Variants in DLGAP5 observed in about 807,000 individuals in gnomAD.
DLGAP5 encodes disks large-associated protein 5.
In DLGAP5, 90 loss-of-function variants were observed where a neutral mutation model predicts 99.6. That is an observed-to-expected ratio of 0.90 (90% CI 0.76 to 1.08). DLGAP5 has a LOEUF of 1.08. DLGAP5 is among the 50% of genes least tolerant of loss of function. The pLI, the probability that DLGAP5 is intolerant of heterozygous loss-of-function variation, is 0.00. For synonymous variants in DLGAP5, 311 were observed against 321.3 expected (o/e 0.97, Z 0.34); for missense variants, 1,036 against 983.5 (o/e 1.05, Z -0.71).
intron 11 of DLGAP5, among the ~76,000 whole-genome samples, chr14:55,169,897 G>T (rs1284473563): frequency 6.6e-6 from 1 of 152,204 alleles, no homozygotes; most frequent in Non-Finnish European, 1.5e-5. Context: ...CACTTTGGGA[G>T]GCCAAGGTGG....
intron 15 of DLGAP5, among the ~76,000 whole-genome samples, chr14:55,153,238 A>G (rs1882078633): frequency 6.6e-6 from 1 of 152,158 alleles, no homozygotes; most frequent in Non-Finnish European, 1.5e-5. Flanking sequence ...ACTAGCTTGT[A>G]TCTTATTAGA....
At chr14:55,173,603 C>CTCTATATATA (rs1334648919) in intron 10 of DLGAP5, among the ~76,000 whole-genome samples, 1 of 148,362 alleles carries the variant, frequency 6.7e-6, no homozygotes, top group African/African-American at 2.5e-5. Flanking sequence ...CTCTCTCTCT[C>CTCTATATATA]TATATATATA....
chr14:55,181,699 C>T (rs1883282825), intron 4 of DLGAP5, among the ~76,000 whole-genome samples: 1 of 152,158 alleles, frequency 6.6e-6, no homozygotes. Context: ...ACTCAAAAGG[C>T]TTTCATCTCA....
chr14:55,175,420 T>TG lies in DLGAP5; in HGVS notation c.1226dup (p.Ile410AsnfsTer8). Reference sequence around the variant, plus strand: ...TTTCAAGTGATGGGACTTCTTTTATTGGAAGGCCATTTAAATTTTTAGTAG... The same window carrying TG: ...TTTCAAGTGATGGGACTTCTTTTATTGGGAAGGCCATTTAAATTTTTAGTAG... On this transcript the variant is annotated frameshift_variant, in exon 10 of 19. Coordinates refer to ENST00000247191, the MANE Select transcript of DLGAP5 (RefSeq NM_014750.5). LOFTEE classifies it high-confidence loss of function. 2 of 1,561,852 alleles carry TG rather than the reference T, an allele frequency of 1.3e-6. No homozygotes were observed. Among genetic ancestry groups the TG allele is most frequent in the East Asian group, 4.5e-5 (2 of 44,222 alleles).
chr14:55,167,072 T>C (rs1016299362), intron 12 of DLGAP5, among the ~76,000 whole-genome samples: 5 of 151,672 alleles, frequency 3.3e-5, no homozygotes, highest in Admixed American at 6.6e-5. Context: ...CTGACCAACA[T>C]GGCGAACCCC....
At position 55,169,387 on chromosome 14, in the gene DLGAP5, T is replaced by C. The variant is rs753652679; in HGVS notation, c.1548+12A>G. The C allele has an allele frequency of 6.8e-7, 1 of 1,473,118 alleles. No homozygotes were observed. Among genetic ancestry groups the C allele is most frequent in the Non-Finnish European group, 9.0e-7 (1 of 1,115,618 alleles). 91.3% of individuals were successfully genotyped at this position (1,473,118 alleles called of 1,614,324 possible). A position where few individuals can be genotyped will look rare whatever the true frequency, so the allele number is the denominator to read the frequency against. On this transcript the variant is annotated intron_variant, in intron 12 of 18. Transcript: ENST00000247191. The stretch of plus-strand genomic sequence containing the variant: ...CCCTAAGTTAATATATTTGAAATAT[T>C]GAACCACATACCTGAAAACTAACCA...
rs1398723575 is a variant in DLGAP5, at chr14:55,158,612, T to C, written c.1783A>G (p.Thr595Ala). 3 of 1,614,156 alleles carry C rather than the reference T, an allele frequency of 1.9e-6. No individual in the cohort carries two copies. The highest frequency in any genetic ancestry group is 2.5e-6 in the Non-Finnish European group (3 of 1,180,004). ...TCCTTTGGTATCACAGAAACTGCTG[T>C]TTCAGCACATTCTTCCTGCCTAATT... ...ERIRQEECAE[T>A]AVSVIPKEVD... Residue 595 changes from threonine (T) to alanine (A), a missense_variant, in exon 14 of 19, where the codon ACA (threonine) becomes GCA (alanine). Coordinates refer to ENST00000247191, the MANE Select transcript of DLGAP5 (RefSeq NM_014750.5).
Position 55,152,651 on chromosome 14 carries a change from A to G in DLGAP5, c.2064-4T>C, listed in dbSNP as rs1009095866. 9.4e-6 allele frequency: 15 copies of G among 1,591,120 alleles called. No individual in the cohort carries two copies. Among genetic ancestry groups the G allele is most frequent in the Non-Finnish European group, 1.1e-5 (13 of 1,171,518 alleles). On this transcript the variant is annotated splice_polypyrimidine_tract_variant and splice_region_variant and intron_variant, in intron 15 of 18. Transcript: ENST00000247191. ...CTGAGCATCTTCTATGCTGCTCCTA[A>G]AGAAGAAAAAAAGCAGCATTACACT...
chr14:55,170,357 A>G (rs1449596218), intron 11 of DLGAP5, among the ~76,000 whole-genome samples: 1 of 149,738 alleles, frequency 6.7e-6, no homozygotes, highest in Non-Finnish European at 1.5e-5. Flanking sequence ...TCAGATATCA[A>G]TTGATATCAC....
At chr14:55,174,042 C>T (rs977491789) in intron 10 of DLGAP5, among the ~76,000 whole-genome samples, 12 of 152,294 alleles carry the variant, frequency 7.9e-5, no homozygotes, top group African/African-American at 2.9e-4. Flanking sequence ...GCCGGTGAGC[C>T]GGGCGGAACA....
intron 16 of DLGAP5, among the ~76,000 whole-genome samples, chr14:55,152,246 A>G (rs573114773): frequency 6.8e-4 from 104 of 152,250 alleles, no homozygotes; most frequent in East Asian, 3.8e-4. Context: ...GGTCTCTGTC[A>G]TAAGTACTCA....
chr14:55,178,703 T>C (rs1883168585), intron 7 of DLGAP5, among the ~76,000 whole-genome samples: 1 of 152,234 alleles, frequency 6.6e-6, no homozygotes, highest in African/African-American at 2.4e-5. Flanking sequence ...TTTGATTTTT[T>C]ACTAAGAATC....
rs143412953 is a variant in DLGAP5, at chr14:55,169,460, C to T, written c.1487G>A (p.Arg496Gln). 10 of 1,612,906 alleles carry T rather than the reference C, an allele frequency of 6.2e-6. No homozygotes were observed. Among genetic ancestry groups the T allele is most frequent in the Admixed American group, 3.3e-5 (2 of 59,778 alleles). ...TGTACAGGTAGTCTCCTTTATACCT[C>T]GTTTATATTCACAATCATCAACCAG... is the stretch of plus-strand genomic sequence containing the variant. ...EGLVDDCEYK[R>Q]GIKETTCTDL... Residue 496 changes from arginine to glutamine, a missense_variant, in exon 12 of 19, where the codon CGA becomes CAA. Arg to Gln is a conservative substitution (Grantham distance 43). Coordinates refer to ENST00000247191, the MANE Select transcript of DLGAP5 (RefSeq NM_014750.5).
chr14:55,159,353 G>C (rs1882332115), intron 13 of DLGAP5, among the ~76,000 whole-genome samples: 3 of 152,214 alleles, frequency 2.0e-5, no homozygotes, highest in Admixed American at 2.0e-4. Flanking sequence ...CAAGGGAACA[G>C]AGAGTTATTG....
chr14:55,160,588 C>T (rs1179901712), intron 13 of DLGAP5, among the ~76,000 whole-genome samples: 9 of 151,756 alleles, frequency 5.9e-5, no homozygotes, highest in Non-Finnish European at 1.3e-4. Flanking sequence ...GCTGGGATTA[C>T]AGGCGCCCGC....
chr14:55,169,487 C>G lies in DLGAP5; in HGVS notation c.1460G>C (p.Gly487Ala). ...TTTATATTCACAATCATCAACCAGT[C>G]CTTCAAACTGTTTAAACCTTTCCTT... ...LMKERFKQFE[G>A]LVDDCEYKRG... The change falls in exon 12 of 19, where the codon GGA becomes GCA. Residue 487 changes from glycine to alanine, a missense_variant. Gly to Ala is a moderately conservative substitution (Grantham distance 60, BLOSUM62 0). Coordinates refer to ENST00000247191, the MANE Select transcript of DLGAP5 (RefSeq NM_014750.5). 2 of 1,613,288 alleles carry G rather than the reference C, an allele frequency of 1.2e-6. No homozygotes were observed. The highest frequency in any genetic ancestry group is 2.2e-5 in the South Asian group (2 of 90,906).
rs759095441 is a variant in DLGAP5, at chr14:55,150,860, C to A, written c.2369-12G>T. On this transcript the variant is annotated splice_polypyrimidine_tract_variant and intron_variant, in intron 17 of 18. Coordinates refer to ENST00000247191, the MANE Select transcript of DLGAP5 (RefSeq NM_014750.5). ...ATTATCAAATAGTTCTGAAAAACAA[C>A]AAAAAAAAACTTTTTAAAGAATATT... 17 of 1,515,600 alleles carry A rather than the reference C, an allele frequency of 1.1e-5. No homozygotes were observed. Among genetic ancestry groups the A allele is most frequent in the Middle Eastern group, 1.8e-4 (1 of 5,690 alleles). The allele number at this position is 1,515,600 out of a possible 1,614,324, so 93.9% of individuals were successfully genotyped here.
intron 10 of DLGAP5, among the ~76,000 whole-genome samples, chr14:55,172,605 C>CA (rs1200946737): frequency 1.6e-4 from 25 of 151,866 alleles, no homozygotes; most frequent in African/African-American, 6.1e-4. Context: ...GCCTGGGTGA[C>CA]AGAGTGAGAC....
At chr14:55,154,130 T>A (rs979522224) in intron 15 of DLGAP5, among the ~76,000 whole-genome samples, 1 of 152,064 alleles carries the variant, frequency 6.6e-6, no homozygotes, top group South Asian at 2.1e-4. Flanking sequence ...CTCCCCCCCC[T>A]TCAATATGCT....
Sources: gnomAD v4.1 joint callset for allele counts (sites outside exome capture counted in the v4.1 genomes callset) on GRCh38, gnomAD v4.1.1 for gene constraint, MANE v1.5 for transcripts, NCBI Gene and HGNC (gene_info 2026-07-23, HGNC 2026-07-21) for gene names.